The following LIPF variants were observed in gnomAD, a reference collection of about 807,000 sequenced individuals.
LIPF encodes gastric triacylglycerol lipase.
LIPF carries 25 observed loss-of-function variants against 38.0 expected under a neutral mutation model. The observed-to-expected ratio is 0.66, with a 90% confidence interval of 0.48 to 0.92. LIPF has a LOEUF of 0.92. LIPF is among the 40% of genes least tolerant of loss of function. The pLI is 0.00. For synonymous variants in LIPF, 161 were observed against 156.2 expected (o/e 1.03, Z -0.23); for missense variants, 410 against 469.9 (o/e 0.87, Z 1.18).
chr10:88,670,096 T>C, intron 5 of LIPF, 150 bp downstream of exon 5: 1 of 633,418 alleles, frequency 1.6e-6, no homozygotes, highest in Non-Finnish European at 2.9e-6. Context: ...ATAATTCCTA[T>C]TATATGGGAA....
chr10:88,675,572 C>A lies in LIPF; in HGVS notation c.817-14C>A. On this transcript the variant is annotated splice_polypyrimidine_tract_variant and intron_variant, in intron 7 of 9. Coordinates refer to ENST00000238983, the MANE Select transcript of LIPF (RefSeq NM_004190.4). ...CTTAGTATGTATATAATATGTGTGT[C>A]TGTTGATTTCTAGAGTCGCTTGGAT... 1 of 1,587,888 alleles carries A rather than the reference C, an allele frequency of 6.3e-7. No individual in the cohort carries two copies. The highest frequency in any genetic ancestry group is 1.1e-5 in the South Asian group (1 of 90,452).
rs747836790 is a variant in LIPF at position 88,678,675 on chromosome 10, A to G, written c.1191A>G (p.Lys397=). 3.1e-6 allele frequency: 5 copies of G among 1,588,704 alleles called. No homozygotes were observed. The highest frequency in any genetic ancestry group is 1.7e-5 in the Admixed American group (1 of 59,870). The change falls in exon 10 of 10, where the codon AAA becomes AAG. Residue 397 remains lysine (K), a synonymous_variant. Coordinates refer to ENST00000238983, the MANE Select transcript of LIPF (RefSeq NM_004190.4). The stretch of plus-strand genomic sequence containing the variant: ...TTGTTTCTATGATATCAGAAGATAA[A>G]AAGTAGTTCTGGATTTAAAGAATTA... ...NDIVSMISED[K]K
intron 3 of LIPF, among the ~76,000 whole-genome samples, chr10:88,668,217 G>GA (rs200753502): frequency 1.0e-3 from 149 of 145,638 alleles, no homozygotes; most frequent in Admixed American, 2.9e-3. Context: ...AGTACAAAAA[G>GA]AAAAAAAAAA....
intron 6 of LIPF, among the ~76,000 whole-genome samples, chr10:88,673,211 A>G (rs1841630953): frequency 6.6e-6 from 1 of 152,106 alleles, no homozygotes. Context: ...TCTCCTCCCA[A>G]ACTTTTCACA....
Position 88,673,596 on chromosome 10 carries a change from TG to T in LIPF, c.680del (p.Gly227ValfsTer25), listed in dbSNP as rs761820710. ...GTGCCTTTATTTTTCAGTTTATATT[TG>T]GTGACAAAATATTCTACCCACACAA... is the stretch of plus-strand genomic sequence containing the variant. ...VPQSLFKFIF[G>X]DKIFYPHNFF... On this transcript the variant is annotated frameshift_variant, in exon 7 of 10. Transcript: ENST00000238983. LOFTEE classifies it high-confidence loss of function. 1.2e-6 allele frequency: 2 copies of T among 1,609,342 alleles called. No homozygotes were observed. Among genetic ancestry groups the T allele is most frequent in the Non-Finnish European group, 1.7e-6 (2 of 1,177,678 alleles).
rs759202921 is a variant in LIPF, at chr10:88,676,254, G to T, written c.934G>T (p.Val312Phe). 3.7e-6 allele frequency: 6 copies of T among 1,608,388 alleles called. No individual in the cohort carries two copies. In the Admixed American group the frequency reaches 1.0e-4, roughly 27 times the overall value. The change falls in exon 9 of 10, where the codon GTT (valine) becomes TTT (phenylalanine). Residue 312 changes from valine to phenylalanine, a missense_variant. Val to Phe is a conservative substitution (Grantham distance 50). Coordinates refer to ENST00000238983, the MANE Select transcript of LIPF (RefSeq NM_004190.4). Reference sequence around the variant, plus strand: ...CCAAGCTTATGACTGGGGAAGCCCAGTTCAGAATAGGATGCACTATGATCA... The same window carrying T: ...CCAAGCTTATGACTGGGGAAGCCCATTTCAGAATAGGATGCACTATGATCA... ...KFQAYDWGSP[V>F]QNRMHYDQSQ...
intron 7 of LIPF, among the ~76,000 whole-genome samples, chr10:88,674,568 A>G (rs1190934756): frequency 6.6e-6 from 1 of 152,224 alleles, no homozygotes; most frequent in Non-Finnish European, 1.5e-5. Flanking sequence ...AAGAGTATGG[A>G]TTTAGATCAG....
intron 5 of LIPF, among the ~76,000 whole-genome samples, chr10:88,671,319 A>C (rs1463408772): frequency 6.6e-6 from 1 of 152,142 alleles, no homozygotes; most frequent in Non-Finnish European, 1.5e-5. Context: ...TCAGAGAGGG[A>C]AACAGTGGTT....
Position 88,668,685 on chromosome 10 carries a change from C to T in LIPF, c.351C>T (p.Asn117=). Reference sequence around the variant, plus strand: ...CTGGTTATGATGTGTGGCTGGGCAACAGCAGAGGAAACACCTGGGCCAGAA... The same window carrying T: ...CTGGTTATGATGTGTGGCTGGGCAATAGCAGAGGAAACACCTGGGCCAGAA... ...ADAGYDVWLG[N]SRGNTWARRN... is the part of the protein sequence containing the mutation. Residue 117 remains asparagine (N), a synonymous_variant, in exon 4 of 10, where the codon AAC becomes AAT. Transcript: ENST00000238983. 2.5e-6 allele frequency: 4 copies of T among 1,614,118 alleles called. No homozygotes were observed. Among genetic ancestry groups the T allele is most frequent in the South Asian group, 2.2e-5 (2 of 91,082 alleles).
intron 5 of LIPF, 111 bp from the exon 6 acceptor site, chr10:88,671,718 C>CA: frequency 7.0e-7 from 1 of 1,432,664 alleles, no homozygotes; most frequent in South Asian, 1.6e-5. Flanking sequence ...CAGGCTGTCT[C>CA]AAACACCATC....
intron 6 of LIPF, among the ~76,000 whole-genome samples, 179 bp downstream of exon 6, chr10:88,672,144 C>A (rs529254074): frequency 6.6e-6 from 1 of 152,236 alleles, no homozygotes; most frequent in Admixed American, 6.5e-5. Flanking sequence ...CTCCTTACAG[C>A]CTGCGAGATC....
chr10:88,669,686 G>A (rs747350177), intron 4 of LIPF, 151 bp from the exon 5 acceptor site: 1 of 526,260 alleles, frequency 1.9e-6, no homozygotes, highest in Non-Finnish European at 3.4e-6. Flanking sequence ...TGCCCCAAAG[G>A]GCACCTGACA....
chr10:88,677,223 T>A (rs1040563469), intron 9 of LIPF, among the ~76,000 whole-genome samples: 1 of 152,226 alleles, frequency 6.6e-6, no homozygotes, highest in South Asian at 2.1e-4. Flanking sequence ...CAGAATAGCA[T>A]GAGATCAAAC....
In LIPF at chr10:88,678,695, G is replaced by A. The variant is rs200437515; in HGVS notation, c.*14G>A. On this transcript the variant is annotated 3_prime_UTR_variant, in exon 10 of 10. Transcript: ENST00000238983. ...GATAAAAAGTAGTTCTGGATTTAAAGAATTATCCGTTTGTTTTTCCAAAAT... is the reference window on the plus strand; with the variant it reads ...GATAAAAAGTAGTTCTGGATTTAAAAAATTATCCGTTTGTTTTTCCAAAAT... 6.5e-6 allele frequency: 10 copies of A among 1,539,954 alleles called. No homozygotes were observed. In the African/African-American group the frequency reaches 1.4e-4, roughly 21 times the overall value.
chr10:88,673,652 T>C lies in LIPF; in HGVS notation c.734T>C (p.Val245Ala), dbSNP rs1841638781. The change falls in exon 7 of 10, where the codon GTG becomes GCG. Residue 245 changes from valine to alanine, a missense_variant. By Grantham distance (64) the Val-to-Ala change is moderately conservative (BLOSUM62 0). Transcript: ENST00000238983. ...NFFDQFLATE[V>A]CSREMLNLLC... ...TTTGATCAATTTCTTGCTACTGAAG[T>C]GTGCTCCCGTGAGATGCTGAATCTC... is the stretch of plus-strand genomic sequence containing the variant. The C allele has an allele frequency of 1.9e-6, 3 of 1,611,888 alleles. No individual in the cohort carries two copies. The highest frequency in any genetic ancestry group is 1.7e-5 in the Admixed American group (1 of 59,956).
At chr10:88,666,981 CTT>C (rs373547759) in intron 1 of LIPF, among the ~76,000 whole-genome samples, 4,659 of 142,772 alleles carry the variant, frequency 0.033, 88 homozygotes, top group Middle Eastern at 0.065. Flanking sequence ...CAATTAGAGG[CTT>C]TTTTTTTTTG....
chr10:88,677,289 C>G lies in LIPF; in HGVS notation c.960+1009C>G, dbSNP rs575768066. On this transcript the variant is annotated intron_variant, in intron 9 of 9. Transcript: ENST00000238983. ...CACTTTCTCAAATCTCCAAAACACA[C>G]AGGCTTGCTTTGAGTCTCTCTTTCT... Among the ~76,000 whole-genome samples the G allele has an allele frequency of 5.9e-5, 9 of 152,260 alleles. 1 individual carries two copies. The Middle Eastern group carries it at 0.024, about 403-fold the overall frequency.
intron 2 of LIPF, 37 bp from the exon 3 acceptor site, chr10:88,667,532 T>A: frequency 8.2e-7 from 1 of 1,223,874 alleles, no homozygotes; most frequent in Non-Finnish European, 1.2e-6. Context: ...TATCTAAAAA[T>A]CAACTAAAAT....
chr10:88,668,848 C>T (rs1049432283), intron 4 of LIPF, 92 bp downstream of exon 4: 4 of 1,013,242 alleles, frequency 3.9e-6, no homozygotes, highest in African/African-American at 3.2e-5. Context: ...ACAAATTACA[C>T]TCCAAGTAGG....
Sources: allele counts gnomAD v4.1 joint callset (sites outside exome capture counted in the v4.1 genomes callset), GRCh38; gene constraint gnomAD v4.1.1; transcripts MANE v1.5; gene names NCBI Gene and HGNC (gene_info 2026-07-23, HGNC 2026-07-21).